FGD4: variants seen among roughly 807,000 people sequenced by gnomAD.
FGD4 encodes the protein FYVE, RhoGEF and PH domain-containing protein 4.
In FGD4, 42 loss-of-function variants were observed where a neutral mutation model predicts 102.0. That is an observed-to-expected ratio of 0.41 (90% CI 0.32 to 0.53). The LOEUF is 0.53. FGD4 is among the 20% of genes least tolerant of loss of function. The pLI, the probability that FGD4 is intolerant of heterozygous loss-of-function variation, is 0.21. For missense variants in FGD4, 902 were observed against 1,078.2 expected, an observed-to-expected ratio of 0.84 and a Z score of 2.29; for synonymous variants, 380 against 375.7, an observed-to-expected ratio of 1.01 and a Z score of -0.13.
intron 1 of FGD4, among the ~76,000 whole-genome samples, chr12:32,431,546 A>C (rs1461791393): frequency 6.6e-6 from 1 of 152,142 alleles, no homozygotes; most frequent in Non-Finnish European, 1.5e-5. Context: ...GAAAAGTTTA[A>C]TAGTTTATGT....
Position 32,598,576 on chromosome 12 carries a change from T to A in FGD4, c.1091T>A (p.Leu364His). The part of the protein sequence containing the change: ...TERAYVNRLD[L>H]LDQVFYCKLL... ...AGAGCTTATGTCAACCGACTTGACC[T>A]CTTAGATCAGGTAAGATTTTCTTTC... is the stretch of plus-strand genomic sequence containing the variant. The change falls in exon 5 of 17, where the codon CTC becomes CAC. Residue 364 changes from leucine (L) to histidine (H), a missense_variant. Physicochemically the swap from Leu to His is moderately conservative, Grantham distance 99. Transcript: ENST00000534526. 6.2e-7 allele frequency: 1 copy of A among 1,612,682 alleles called. No individual in the cohort carries two copies. The highest frequency in any genetic ancestry group is 8.5e-7 in the Non-Finnish European group (1 of 1,178,810).
Position 32,401,702 on chromosome 12 carries a change from G to A in FGD4, c.166+1743G>A, listed in dbSNP as rs1311380224. Among the ~76,000 whole-genome samples the A allele has an allele frequency of 2.7e-5, 4 of 150,512 alleles. No homozygotes were observed. The Admixed American group carries it at 2.7e-4, about 10-fold the overall frequency. ...GTCTACAAATCATTTCTGTAAGGTA[G>A]CTCTGCTTTTTCTCTTTTCCATTCT... On this transcript the variant is annotated intron_variant, in intron 1 of 16. Coordinates refer to ENST00000534526, the MANE Select transcript of FGD4 (RefSeq NM_001370298.3).
Position 32,587,730 on chromosome 12 carries a change from A to G in FGD4, c.1011+5263A>G, listed in dbSNP as rs142899015. On this transcript the variant is annotated intron_variant, in intron 4 of 16. Transcript: ENST00000534526. ...ACTCTCCAGGCCATGGCTTCCTGACATGTTGAAATCATTGAGATGACAGGA... is the reference window on the plus strand; with the variant it reads ...ACTCTCCAGGCCATGGCTTCCTGACGTGTTGAAATCATTGAGATGACAGGA... 2.2e-3 allele frequency among the ~76,000 whole-genome samples: 340 copies of G among 152,278 alleles called. 1 individual carries two copies. Among genetic ancestry groups the G allele is most frequent in the African/African-American group, 7.9e-3 (329 of 41,560 alleles).
intron 1 of FGD4, among the ~76,000 whole-genome samples, chr12:32,484,378 T>C (rs1943837001): frequency 6.6e-6 from 1 of 152,202 alleles, no homozygotes; most frequent in South Asian, 2.1e-4. Context: ...AGTTTGCTAT[T>C]CCATATAACA....
intron 3 of FGD4, among the ~76,000 whole-genome samples, chr12:32,579,352 G>C (rs572218569): frequency 6.8e-4 from 104 of 152,110 alleles, no homozygotes; most frequent in African/African-American, 2.3e-3. Flanking sequence ...CCGGAACATT[G>C]GTTTTTCCCA....
chr12:32,586,346 C>G (rs180947726), intron 4 of FGD4, among the ~76,000 whole-genome samples: 2 of 151,954 alleles, frequency 1.3e-5, no homozygotes, highest in Non-Finnish European at 2.9e-5. Context: ...AAAACCACAC[C>G]CATAATTCTA....
intron 2 of FGD4, among the ~76,000 whole-genome samples, chr12:32,571,306 T>G (rs1029160242): frequency 1.3e-5 from 2 of 152,018 alleles, no homozygotes; most frequent in African/African-American, 4.8e-5. Context: ...AGTACAAAAC[T>G]TAACTGGGTG....
At position 32,580,430 on chromosome 12, in the gene FGD4, A is replaced by T. The variant is rs115582394; in HGVS notation, c.504-1530A>T. Among the ~76,000 whole-genome samples, 1,025 of 152,272 alleles carry T rather than the reference A, an allele frequency of 6.7e-3. 8 individuals are homozygous for T. The highest frequency in any genetic ancestry group is 0.023 in the African/African-American group (970 of 41,554). On this transcript the variant is annotated intron_variant, in intron 3 of 16. Transcript: ENST00000534526. Reference sequence around the variant, plus strand: ...TTTATTGAGTACTTCCCCTGTGTCAAGCGCCACGCTAAGAGGTAGGAGTAA... The same window carrying T: ...TTTATTGAGTACTTCCCCTGTGTCATGCGCCACGCTAAGAGGTAGGAGTAA...
intron 1 of FGD4, among the ~76,000 whole-genome samples, chr12:32,500,858 T>G (rs1245983123): frequency 6.6e-6 from 1 of 152,224 alleles, no homozygotes; most frequent in Non-Finnish European, 1.5e-5. Context: ...AAAACAGTCT[T>G]TAGTCATTCA....
At chr12:32,412,472 A>G (rs926619083) in intron 1 of FGD4, among the ~76,000 whole-genome samples, 1 of 152,102 alleles carries the variant, frequency 6.6e-6, no homozygotes, top group African/African-American at 2.4e-5. Context: ...CGCTCCTTCA[A>G]TTGGAAGTTA....
intron 1 of FGD4, among the ~76,000 whole-genome samples, chr12:32,495,512 C>T (rs1937746586): frequency 1.3e-5 from 2 of 151,882 alleles, no homozygotes; most frequent in Admixed American, 1.3e-4. Context: ...CTGGCTAACA[C>T]AGCGAAACCC....
At chr12:32,415,654 C>A (rs1310291299) in intron 1 of FGD4, among the ~76,000 whole-genome samples, 1 of 152,158 alleles carries the variant, frequency 6.6e-6, no homozygotes, top group East Asian at 1.9e-4. Context: ...ATCTCCTGAC[C>A]TCGTGATCTG....
intron 1 of FGD4, among the ~76,000 whole-genome samples, chr12:32,417,314 A>G (rs1008828308): frequency 1.3e-5 from 2 of 152,116 alleles, no homozygotes; most frequent in African/African-American, 4.8e-5. Flanking sequence ...CTTCAAGCTT[A>G]AAGGATATTT....
chr12:32,501,996 G>C (rs963207326), intron 1 of FGD4: 1 of 979,260 alleles, frequency 1.0e-6, no homozygotes, highest in African/African-American at 1.8e-5. Context: ...CAAGCCCTGC[G>C]CATGTGAGTG....
intron 1 of FGD4, among the ~76,000 whole-genome samples, chr12:32,550,435 C>T (rs1189547613): frequency 6.6e-6 from 1 of 151,910 alleles, no homozygotes; most frequent in African/African-American, 2.4e-5. Flanking sequence ...TTTGGGAGGG[C>T]GAGGCAGTAG....
At chr12:32,513,446 C>G (rs531043611) in intron 1 of FGD4, among the ~76,000 whole-genome samples, 1 of 152,240 alleles carries the variant, frequency 6.6e-6, no homozygotes, top group Non-Finnish European at 1.5e-5. Context: ...AGGGAGCTCT[C>G]TGAAATTTTT....
At chr12:32,627,135 C>T (rs1950222448) in intron 14 of FGD4, among the ~76,000 whole-genome samples, 1 of 150,084 alleles carries the variant, frequency 6.7e-6, no homozygotes, top group African/African-American at 2.5e-5. Context: ...GCGTGAGCCA[C>T]CACGTCCGGC....
chr12:32,502,396 C>A, intron 1 of FGD4: 1 of 950,314 alleles, frequency 1.1e-6, no homozygotes, highest in Non-Finnish European at 1.3e-6. Context: ...GGGGCATTAT[C>A]TCCATGTGGT....
intron 4 of FGD4, among the ~76,000 whole-genome samples, chr12:32,591,773 C>T (rs781068688): frequency 5.4e-4 from 82 of 152,220 alleles, no homozygotes; most frequent in Non-Finnish European, 1.1e-3. Context: ...CACTGCAGTA[C>T]ATTCATGAAG....
Sources: allele counts gnomAD v4.1 joint callset (sites outside exome capture counted in the v4.1 genomes callset), GRCh38; gene constraint gnomAD v4.1.1; transcripts MANE v1.5; gene names NCBI Gene and HGNC (gene_info 2026-07-23, HGNC 2026-07-21).